The following PDE7B variants were observed in gnomAD, a reference collection of about 807,000 sequenced individuals.
PDE7B encodes 3',5'-cyclic-AMP phosphodiesterase 7B.
In PDE7B, 29 loss-of-function variants were observed where a neutral mutation model predicts 56.2. That is an observed-to-expected ratio of 0.52 (90% CI 0.38 to 0.70). The LOEUF (loss-of-function observed/expected upper bound fraction) is 0.70. Ranked by LOEUF, PDE7B falls within the 30% of genes least tolerant of loss-of-function variation. The pLI, the probability that PDE7B is intolerant of heterozygous loss-of-function variation, is 0.00. For synonymous variants in PDE7B, 197 were observed against 196.9 expected, an observed-to-expected ratio of 1.00 and a Z score of 0.00; for missense variants, 490 against 565.0, an observed-to-expected ratio of 0.87 and a Z score of 1.35.
At chr6:135,994,727 T>C (rs1775534377) in intron 2 of PDE7B, among the ~76,000 whole-genome samples, 1 of 152,200 alleles carries the variant, frequency 6.6e-6, no homozygotes, top group African/African-American at 2.4e-5. Context: ...GGTTTGGCAT[T>C]GTTGAGAGTA....
chr6:136,173,829 A>G lies in PDE7B; in HGVS notation c.744A>G (p.Arg248=). The G allele has an allele frequency of 6.2e-7, 1 of 1,612,366 alleles. No individual in the cohort carries two copies. Among genetic ancestry groups the G allele is most frequent in the Non-Finnish European group, 8.5e-7 (1 of 1,178,610 alleles). Residue 248 remains arginine, a synonymous_variant, in exon 9 of 13, where the codon CGA becomes CGG. Transcript: ENST00000308191. ...NMSVLENHHW[R]STIGMLRESR... ...CTGTGCTGGAGAATCATCACTGGCGATCTACAATTGGCATGCTTCGAGAAT... is the reference window on the plus strand; with the variant it reads ...CTGTGCTGGAGAATCATCACTGGCGGTCTACAATTGGCATGCTTCGAGAAT...
In PDE7B at chr6:136,134,470, G is replaced by A. The variant is rs575949869; in HGVS notation, c.167-12881G>A. Among the ~76,000 whole-genome samples the A allele has an allele frequency of 3.3e-5, 5 of 152,108 alleles. No individual in the cohort carries two copies. In the South Asian group the frequency reaches 6.2e-4, roughly 19 times the overall value. On this transcript the variant is annotated intron_variant, in intron 3 of 12. Coordinates refer to ENST00000308191, the MANE Select transcript of PDE7B (RefSeq NM_018945.4). ...TGTAACATTTCAAACTCTGAGAAGC[G>A]GAGGGTTCAATAAAACCACATTGCG...
At chr6:136,191,260 G>A (rs1306909576) in intron 12 of PDE7B, among the ~76,000 whole-genome samples, 2 of 152,192 alleles carry the variant, frequency 1.3e-5, no homozygotes, top group Non-Finnish European at 2.9e-5. Flanking sequence ...CTCCTAGGCT[G>A]AGGGTAGCCA....
intron 2 of PDE7B, among the ~76,000 whole-genome samples, chr6:135,991,476 C>T (rs1305495324): frequency 1.3e-5 from 2 of 152,192 alleles, no homozygotes; most frequent in Non-Finnish European, 2.9e-5. Context: ...TCTTACTCTT[C>T]TTCATTTCTC....
intron 1 of PDE7B, among the ~76,000 whole-genome samples, chr6:135,915,453 T>C (rs975984783): frequency 6.6e-6 from 1 of 152,238 alleles, no homozygotes; most frequent in Admixed American, 6.5e-5. Flanking sequence ...TATTTGATGT[T>C]GTCAATCTTT....
intron 1 of PDE7B, among the ~76,000 whole-genome samples, chr6:135,939,983 T>G (rs1774482389): frequency 6.6e-6 from 1 of 152,154 alleles, no homozygotes; most frequent in African/African-American, 2.4e-5. Context: ...CTAGAGTAAT[T>G]CATTAAGCAT....
At chr6:136,077,507 G>A (rs1278676531) in intron 2 of PDE7B, among the ~76,000 whole-genome samples, 1 of 151,712 alleles carries the variant, frequency 6.6e-6, no homozygotes, top group African/African-American at 2.4e-5. Context: ...AAGCCTTAGA[G>A]TGTTAGTTGG....
intron 6 of PDE7B, 90 bp from the exon 7 acceptor site, chr6:136,153,985 T>A (rs906104833): frequency 2.5e-6 from 2 of 802,122 alleles, no homozygotes; most frequent in Non-Finnish European, 2.1e-6. Flanking sequence ...GCACTGATAT[T>A]TTTAAGCAAA....
At chr6:135,981,452 A>AAT (rs1562459520) in intron 2 of PDE7B, among the ~76,000 whole-genome samples, 28 of 151,680 alleles carry the variant, frequency 1.8e-4, no homozygotes, top group African/African-American at 6.3e-4. Context: ...ATAATAATAA[A>AAT]AACAGACTAT....
At position 136,120,891 on chromosome 6, in the gene PDE7B, T is replaced by C. The variant is rs563316185; in HGVS notation, c.166+12077T>C. 9.9e-5 allele frequency among the ~76,000 whole-genome samples: 15 copies of C among 152,258 alleles called. No individual in the cohort carries two copies. The South Asian group carries it at 2.9e-3, about 30-fold the overall frequency. Reference sequence around the variant, plus strand: ...TGTTTTCAGCTTTCCCCTCCTCAGTTTGGGCTAGTATAGACAAGCCTACCA... The same window carrying C: ...TGTTTTCAGCTTTCCCCTCCTCAGTCTGGGCTAGTATAGACAAGCCTACCA... On this transcript the variant is annotated intron_variant, in intron 3 of 12. Transcript: ENST00000308191.
intron 2 of PDE7B, among the ~76,000 whole-genome samples, chr6:136,090,202 A>T (rs1257074240): frequency 6.6e-6 from 1 of 152,154 alleles, no homozygotes; most frequent in Non-Finnish European, 1.5e-5. Context: ...GGGTTCCTTC[A>T]CGTGGCTATG....
intron 2 of PDE7B, among the ~76,000 whole-genome samples, chr6:136,071,589 A>G (rs1231927704): frequency 6.6e-6 from 1 of 152,208 alleles, no homozygotes; most frequent in African/African-American, 2.4e-5. Context: ...GAAATTATAA[A>G]CTTCTCTGGA....
intron 1 of PDE7B, among the ~76,000 whole-genome samples, chr6:135,943,893 A>G (rs965301475): frequency 1.2e-4 from 19 of 152,160 alleles, no homozygotes; most frequent in Admixed American, 7.9e-4. Flanking sequence ...GTGGAAGGAG[A>G]TCATGTGCCA....
intron 2 of PDE7B, chr6:136,034,008 G>T (rs572186106): frequency 1.3e-5 from 2 of 151,966 alleles, no homozygotes; most frequent in Admixed American, 1.3e-4. Flanking sequence ...CCACAGATAA[G>T]GGTCAATAAG....
rs910368639 is a variant in PDE7B, at chr6:135,873,130, T to G, written c.21+21111T>G. ...GTTCCTGATTTTGAAGCTGGGTGAG[T>G]GAGCTGAGAGCGAAACAAATCTAGT... On this transcript the variant is annotated intron_variant, in intron 1 of 12. Coordinates refer to ENST00000308191, the MANE Select transcript of PDE7B (RefSeq NM_018945.4). Among the ~76,000 whole-genome samples, 2 of 152,248 alleles carry G rather than the reference T, an allele frequency of 1.3e-5. 1 individual carries two copies. The highest frequency in any genetic ancestry group is 4.1e-4 in the South Asian group (2 of 4,824).
At chr6:136,000,544 G>A (rs923899799) in intron 2 of PDE7B, among the ~76,000 whole-genome samples, 37 of 152,144 alleles carry the variant, frequency 2.4e-4, no homozygotes, top group African/African-American at 8.2e-4. Context: ...GATGGTTGAA[G>A]ATCAGATGGC....
chr6:136,023,796 A>G (rs897397298), intron 2 of PDE7B, among the ~76,000 whole-genome samples: 10 of 151,792 alleles, frequency 6.6e-5, no homozygotes, highest in Non-Finnish European at 1.2e-4. Flanking sequence ...ATATAAATAG[A>G]TATATCTATA....
chr6:135,977,618 A>C (rs1051269640), intron 2 of PDE7B, among the ~76,000 whole-genome samples: 5 of 152,162 alleles, frequency 3.3e-5, no homozygotes, highest in African/African-American at 1.2e-4. Context: ...TCATTGGGCC[A>C]AGGTGGGGAC....
intron 1 of PDE7B, among the ~76,000 whole-genome samples, chr6:135,942,677 A>C (rs2876317): frequency 0.52 from 79,212 of 151,882 alleles, 21,047 homozygotes; most frequent in East Asian, 0.65. Context: ...CTCCTGGTAA[A>C]TATTGTTCTA....
Sources: gnomAD v4.1 joint callset for allele counts (sites outside exome capture counted in the v4.1 genomes callset) on GRCh38, gnomAD v4.1.1 for gene constraint, MANE v1.5 for transcripts, NCBI Gene and HGNC (gene_info 2026-07-23, HGNC 2026-07-21) for gene names.